Variants in ELAPOR1 observed in about 807,000 individuals in gnomAD.
ELAPOR1 encodes the protein endosome-lysosome associated apoptosis and autophagy regulator 1.
In ELAPOR1, 77 loss-of-function variants were observed where a neutral mutation model predicts 119.7. The ratio of observed to expected loss-of-function variants is 0.64; its 90% CI spans 0.54 to 0.78. The LOEUF (loss-of-function observed/expected upper bound fraction) is 0.78. Ranked by LOEUF, ELAPOR1 falls within the 30% of genes least tolerant of loss-of-function variation. The pLI, the probability that ELAPOR1 is intolerant of heterozygous loss-of-function variation, is 0.00. For synonymous variants in ELAPOR1, 481 were observed against 487.2 expected, an observed-to-expected ratio of 0.99 and a Z score of 0.17; for missense variants, 1,115 against 1,270.4, an observed-to-expected ratio of 0.88 and a Z score of 1.86.
At chr1:109,172,054 C>T in intron 4 of ELAPOR1, 41 bp downstream of exon 4, 2 of 1,610,424 alleles carry the variant, frequency 1.2e-6, no homozygotes, top group Non-Finnish European at 1.7e-6. Flanking sequence ...GCTAAAAAGC[C>T]TCTCTGGGGT....
intron 8 of ELAPOR1, chr1:109,187,610 G>A: frequency 5.0e-6 from 5 of 1,002,268 alleles, no homozygotes; most frequent in Non-Finnish European, 4.8e-6. Context: ...GTCTCCTGCG[G>A]GTCATCTCCA....
chr1:109,192,925 C>A, intron 14 of ELAPOR1, 51 bp downstream of exon 14: 1 of 1,583,764 alleles, frequency 6.3e-7, no homozygotes, highest in Non-Finnish European at 8.6e-7. Flanking sequence ...CTTGGATGAC[C>A]TCAGAAGATG....
intron 7 of ELAPOR1, among the ~76,000 whole-genome samples, chr1:109,175,655 C>T (rs1301602174): frequency 3.3e-5 from 5 of 150,420 alleles, no homozygotes; most frequent in African/African-American, 7.3e-5. Context: ...GGCAAAACCA[C>T]GTCTCTACTA....
chr1:109,162,101 T>G, intron 2 of ELAPOR1, 87 bp downstream of exon 2: 4 of 1,432,970 alleles, frequency 2.8e-6, no homozygotes, highest in African/African-American at 2.8e-5. Flanking sequence ...GGGCCCTTCC[T>G]GGCAGAGCAG....
At position 109,189,342 on chromosome 1, in the gene ELAPOR1, T is replaced by C. The variant is rs2101107179; in HGVS notation, c.1348+148T>C. On this transcript the variant is annotated intron_variant, in intron 10 of 21. Transcript: ENST00000369939. Reference sequence around the variant, plus strand: ...TTGAAAGTTCCACTCCTCATGGACATATGTTCTGCCAAGACAGCTTTAGAG... The same window carrying C: ...TTGAAAGTTCCACTCCTCATGGACACATGTTCTGCCAAGACAGCTTTAGAG... 2.8e-6 allele frequency: 3 copies of C among 1,081,416 alleles called. No homozygotes were observed. In the South Asian group the frequency reaches 4.7e-5, roughly 17 times the overall value. The allele number at this position is 1,081,416 out of a possible 1,614,324, so 67.0% of individuals were successfully genotyped here.
rs763755908 is a variant in ELAPOR1 at position 109,171,978 on chromosome 1, T to C, written c.580T>C (p.Tyr194His). ...KQSGTVNFEYYYPDSSIIFEF... is the reference protein window; with the variant it reads ...KQSGTVNFEYHYPDSSIIFEF... ...ATCTGGCACCGTTAACTTCGAATAC[T>C]ACTATCCAGACTCCAGCATCATCTT... is the stretch of plus-strand genomic sequence containing the variant. Residue 194 changes from tyrosine (Y) to histidine (H), a missense_variant, in exon 4 of 22, where the codon TAC becomes CAC. Transcript: ENST00000369939. 6.2e-7 allele frequency: 1 copy of C among 1,614,082 alleles called. No homozygotes were observed. Among genetic ancestry groups the C allele is most frequent in the African/African-American group, 1.3e-5 (1 of 74,928 alleles).
chr1:109,178,011 C>CT (rs61317397), intron 7 of ELAPOR1, among the ~76,000 whole-genome samples: 6,747 of 135,662 alleles, frequency 0.05, 580 homozygotes, highest in African/African-American at 0.16. Context: ...TTTTTTCTTT[C>CT]TTTTTTTTTT....
At chr1:109,165,584 T>TAA (rs1161516161) in intron 3 of ELAPOR1, among the ~76,000 whole-genome samples, 7 of 115,904 alleles carry the variant, frequency 6.0e-5, no homozygotes, top group Non-Finnish European at 1.1e-4. Flanking sequence ...AACTCCGTCT[T>TAA]AAAAAAAAAA....
intron 2 of ELAPOR1, among the ~76,000 whole-genome samples, chr1:109,163,158 G>A (rs1245444620): frequency 6.6e-6 from 1 of 152,186 alleles, no homozygotes; most frequent in African/African-American, 2.4e-5. Context: ...AAGTTTAGAC[G>A]TGGATGAAGA....
chr1:109,179,421 A>G, intron 7 of ELAPOR1, among the ~76,000 whole-genome samples: 1 of 150,982 alleles, frequency 6.6e-6, no homozygotes, highest in East Asian at 2.0e-4. Context: ...AAAAAAAAAA[A>G]AAAAAAAAGA....
chr1:109,154,036 G>C (rs597401), intron 1 of ELAPOR1, among the ~76,000 whole-genome samples: 60,635 of 151,720 alleles, frequency 0.4, 13,889 homozygotes, highest in African/African-American at 0.63. Flanking sequence ...AATCCCAGCA[G>C]TTTGGGAGGC....
In ELAPOR1 at chr1:109,173,681, T is replaced by A; in HGVS notation, c.803-7T>A. ...CCTTGCTTTTCTGTGCTCTTCCTCC[T>A]CCCTAGGGGTGGCCTACACTTCAGA... On this transcript the variant is annotated splice_polypyrimidine_tract_variant and splice_region_variant and intron_variant, in intron 6 of 21. Coordinates refer to ENST00000369939, the MANE Select transcript of ELAPOR1 (RefSeq NM_020775.5). 6.2e-7 allele frequency: 1 copy of A among 1,613,678 alleles called. No homozygotes were observed. Among genetic ancestry groups the A allele is most frequent in the Non-Finnish European group, 8.5e-7 (1 of 1,179,804 alleles).
At chr1:109,137,257 G>A (rs1314644440) in intron 1 of ELAPOR1, among the ~76,000 whole-genome samples, 1 of 152,144 alleles carries the variant, frequency 6.6e-6, no homozygotes, top group Non-Finnish European at 1.5e-5. Context: ...AGGCTGGAGT[G>A]TAGTGGTGTG....
intron 1 of ELAPOR1, among the ~76,000 whole-genome samples, chr1:109,141,504 G>A (rs556289351): frequency 2.6e-5 from 4 of 151,736 alleles, no homozygotes; most frequent in Non-Finnish European, 4.4e-5. Context: ...ATCGTGATCT[G>A]CCCGCCTCAG....
At chr1:109,200,271 C>T in intron 20 of ELAPOR1, 34 bp downstream of exon 20, 2 of 1,602,932 alleles carry the variant, frequency 1.2e-6, no homozygotes, top group African/African-American at 1.3e-5. Context: ...TGGGGATGGA[C>T]AGGGTTGGAT....
At chr1:109,137,522 T>C (rs529227937) in intron 1 of ELAPOR1, among the ~76,000 whole-genome samples, 1 of 145,776 alleles carries the variant, frequency 6.9e-6, no homozygotes, top group East Asian at 2.1e-4. Flanking sequence ...TTTATTTATT[T>C]ATTTTATTTT....
intron 21 of ELAPOR1, among the ~76,000 whole-genome samples, chr1:109,201,746 G>C: frequency 6.6e-6 from 1 of 152,132 alleles, no homozygotes. Context: ...ATGAATGGGA[G>C]AACAGTTCAC....
chr1:109,153,527 T>C (rs1650663508), intron 1 of ELAPOR1, among the ~76,000 whole-genome samples: 1 of 152,314 alleles, frequency 6.6e-6, no homozygotes, highest in East Asian at 1.9e-4. Context: ...TTCATTTGCA[T>C]GTGTACATGC....
At chr1:109,148,608 C>T (rs1218422307) in intron 1 of ELAPOR1, among the ~76,000 whole-genome samples, 1 of 152,166 alleles carries the variant, frequency 6.6e-6, no homozygotes, top group Non-Finnish European at 1.5e-5. Flanking sequence ...TACAGAAGCC[C>T]TGTCTGTTGA....
Sources: allele counts gnomAD v4.1 joint callset (sites outside exome capture counted in the v4.1 genomes callset), GRCh38; gene constraint gnomAD v4.1.1; transcripts MANE v1.5; gene names NCBI Gene and HGNC (gene_info 2026-07-23, HGNC 2026-07-21).